The following SLC24A3 variants were observed in gnomAD, a reference collection of about 807,000 sequenced individuals.
SLC24A3 encodes solute carrier family 24 member 3.
A neutral mutation model predicts 75.8 loss-of-function variants in SLC24A3; 28 were observed. The observed-to-expected ratio is 0.37, with a 90% CI of 0.27 to 0.51. The LOEUF is 0.51. Among genes scored for constraint, SLC24A3 ranks in the 20% least tolerant of loss-of-function variants. The pLI is 0.94. For missense variants in SLC24A3, 663 were observed against 847.8 expected, an observed-to-expected ratio of 0.78 and a Z score of 2.71; for synonymous variants, 372 against 334.1, an observed-to-expected ratio of 1.11 and a Z score of -1.24.
intron 2 of SLC24A3, among the ~76,000 whole-genome samples, chr20:19,406,519 T>C (rs1986649254): frequency 6.6e-6 from 1 of 152,172 alleles, no homozygotes; most frequent in Admixed American, 6.5e-5. Flanking sequence ...GCCAGTCCAC[T>C]CTGAACAAAC....
chr20:19,223,492 C>G (rs1981787270), intron 1 of SLC24A3, among the ~76,000 whole-genome samples: 2 of 152,086 alleles, frequency 1.3e-5, no homozygotes, highest in Non-Finnish European at 2.9e-5. Flanking sequence ...TTCAAGACCT[C>G]CCAGTGAATG....
chr20:19,230,296 T>A (rs1259582171), intron 1 of SLC24A3, among the ~76,000 whole-genome samples: 1 of 152,126 alleles, frequency 6.6e-6, no homozygotes, highest in Non-Finnish European at 1.5e-5. Context: ...TGGCCAACCT[T>A]CCAGTGTTGA....
chr20:19,327,084 T>C (rs1030504028), intron 2 of SLC24A3, among the ~76,000 whole-genome samples: 3 of 152,226 alleles, frequency 2.0e-5, no homozygotes, highest in Non-Finnish European at 4.4e-5. Context: ...GTACTAATAT[T>C]TAGCTACCAA....
intron 1 of SLC24A3, among the ~76,000 whole-genome samples, chr20:19,270,944 T>C (rs1223461636): frequency 6.6e-6 from 1 of 151,976 alleles, no homozygotes; most frequent in Non-Finnish European, 1.5e-5. Context: ...AGGCAAAGGG[T>C]GGCAGGAGAG....
chr20:19,409,617 C>G (rs1986709414), intron 2 of SLC24A3, among the ~76,000 whole-genome samples: 1 of 151,940 alleles, frequency 6.6e-6, no homozygotes, highest in African/African-American at 2.4e-5. Context: ...GAAAAATAAC[C>G]CAAGTGTCAA....
chr20:19,405,493 A>C (rs1201600539), intron 2 of SLC24A3, among the ~76,000 whole-genome samples: 2 of 152,236 alleles, frequency 1.3e-5, no homozygotes, highest in Non-Finnish European at 2.9e-5. Flanking sequence ...TGAGTCAGGG[A>C]ATAAACGACC....
chr20:19,658,966 G>C (rs111373658), intron 7 of SLC24A3, among the ~76,000 whole-genome samples: 1,833 of 152,310 alleles, frequency 0.012, 34 homozygotes, highest in African/African-American at 0.041. Context: ...TTTACATAAT[G>C]AGGTAATTTA....
chr20:19,672,157 A>G (rs1212703064), intron 8 of SLC24A3, among the ~76,000 whole-genome samples: 1 of 152,064 alleles, frequency 6.6e-6, no homozygotes, highest in Non-Finnish European at 1.5e-5. Flanking sequence ...GGCTAGAGAA[A>G]TTTGCCAACT....
chr20:19,548,647 C>T (rs2030643137), intron 3 of SLC24A3, among the ~76,000 whole-genome samples: 1 of 152,212 alleles, frequency 6.6e-6, no homozygotes. Context: ...ATGCCTCTTA[C>T]CCTTGGAATC....
At chr20:19,595,314 A>C (rs937548155) in intron 6 of SLC24A3, among the ~76,000 whole-genome samples, 2 of 152,186 alleles carry the variant, frequency 1.3e-5, no homozygotes, top group African/African-American at 4.8e-5. Context: ...CACCAACAGT[A>C]GTGTCACATA....
chr20:19,593,513 G>A (rs1248898092), intron 6 of SLC24A3, among the ~76,000 whole-genome samples: 1 of 152,194 alleles, frequency 6.6e-6, no homozygotes, highest in Non-Finnish European at 1.5e-5. Flanking sequence ...TTACATATGT[G>A]AACTCATTTT....
chr20:19,278,702 A>C (rs1983562797), intron 1 of SLC24A3, among the ~76,000 whole-genome samples: 1 of 152,234 alleles, frequency 6.6e-6, no homozygotes, highest in African/African-American at 2.4e-5. Context: ...GCCGCCATGT[A>C]GAATTTTGTA....
rs527553908 is a variant in SLC24A3, at chr20:19,465,146, A to G, written c.272-50342A>G. Reference sequence around the variant, plus strand: ...ACTGGACAGACCACAGGCAGAGAGCATGAGAAGGAAAAAGTCCTTACCAGG... The same window carrying G: ...ACTGGACAGACCACAGGCAGAGAGCGTGAGAAGGAAAAAGTCCTTACCAGG... On this transcript the variant is annotated intron_variant, in intron 2 of 16. Coordinates refer to ENST00000328041, the MANE Select transcript of SLC24A3 (RefSeq NM_020689.4). Among the ~76,000 whole-genome samples, 7 of 152,336 alleles carry G rather than the reference A, an allele frequency of 4.6e-5. No individual in the cohort carries two copies. The East Asian group carries it at 1.2e-3, about 25-fold the overall frequency.
intron 2 of SLC24A3, among the ~76,000 whole-genome samples, chr20:19,357,210 C>T (rs1482183659): frequency 6.6e-6 from 1 of 152,104 alleles, no homozygotes; most frequent in Non-Finnish European, 1.5e-5. Context: ...ATGCTGGCAG[C>T]CCCCAGAAGC....
intron 2 of SLC24A3, among the ~76,000 whole-genome samples, chr20:19,491,931 G>A (rs1215253260): frequency 6.6e-6 from 1 of 151,942 alleles, no homozygotes; most frequent in Non-Finnish European, 1.5e-5. Context: ...ACCTGGGCAG[G>A]GCAGCAGTGT....
rs1335473886 is a variant in SLC24A3 at position 19,684,301 on chromosome 20, C to T, written c.1027C>T (p.Arg343Trp). 9.9e-6 allele frequency: 16 copies of T among 1,613,940 alleles called. No individual in the cohort carries two copies. The highest frequency in any genetic ancestry group is 2.2e-5 in the East Asian group (1 of 44,880). ...MITSHFPPKT[R>W]LSMASRMLIN... Reference sequence around the variant, plus strand: ...AACCAGCCACTTTCCCCCCAAGACCCGGCTCTCCATGGCCAGTCGCATGTT... The same window carrying T: ...AACCAGCCACTTTCCCCCCAAGACCTGGCTCTCCATGGCCAGTCGCATGTT... The change falls in exon 11 of 17, where the codon CGG becomes TGG. Residue 343 changes from arginine to tryptophan, a missense_variant. By Grantham distance (101) the Arg-to-Trp change is moderately radical. Around this residue, in one of 2 missense-constraint regions of SLC24A3, gnomAD observed 510 missense variants for 703.6 expected, o/e 0.72. Transcript: ENST00000328041.
intron 7 of SLC24A3, among the ~76,000 whole-genome samples, chr20:19,663,455 TTCCTCC>T (rs1192872735): frequency 7.6e-5 from 2 of 26,458 alleles, no homozygotes; most frequent in African/African-American, 1.7e-4. Context: ...CCTCCTCCAC[TTCCTCC>T]TCCTCCTCCT....
At chr20:19,665,953 G>A in intron 8 of SLC24A3, 64 bp downstream of exon 8, 1 of 1,538,538 alleles carries the variant, frequency 6.5e-7, no homozygotes, top group East Asian at 2.2e-5. Context: ...ATATATTGAA[G>A]ACCAGTGTTG....
intron 2 of SLC24A3, among the ~76,000 whole-genome samples, chr20:19,377,716 C>A (rs1986109380): frequency 1.3e-5 from 2 of 152,206 alleles, no homozygotes; most frequent in Admixed American, 1.3e-4. Flanking sequence ...GGATTTTGAA[C>A]CCTGGTCAGT....
Sources: allele counts gnomAD v4.1 joint callset (sites outside exome capture counted in the v4.1 genomes callset), GRCh38; gene constraint gnomAD v4.1.1; regional missense constraint gnomAD v4.1.1; transcripts MANE v1.5; gene names NCBI Gene and HGNC (gene_info 2026-07-23, HGNC 2026-07-21).